The following ACVR2B variants were observed in gnomAD, a reference collection of about 807,000 sequenced individuals.
The protein encoded by ACVR2B is activin A receptor type 2B.
ACVR2B carries 18 observed loss-of-function variants against 65.1 expected under a neutral mutation model. That is an observed-to-expected ratio of 0.28 (90% CI 0.19 to 0.41). The LOEUF is 0.41. Among genes scored for constraint, ACVR2B ranks in the 10% least tolerant of loss-of-function variants. ACVR2B has a pLI of 1.00. For missense variants in ACVR2B, 482 were observed against 682.7 expected, an observed-to-expected ratio of 0.71 and a Z score of 3.28; for synonymous variants, 298 against 277.7, an observed-to-expected ratio of 1.07 and a Z score of -0.73.
Position 38,454,348 on chromosome 3 carries a change from CCCT to C in ACVR2B, c.31_33del (p.Leu11del), listed in dbSNP as rs1709503557. 2 of 1,298,620 alleles carry C rather than the reference CCCT, an allele frequency of 1.5e-6. No individual in the cohort carries two copies. The highest frequency in any genetic ancestry group is 1.5e-5 in the African/African-American group (1 of 65,024). The allele number at this position is 1,298,620 out of a possible 1,614,324, so 80.4% of individuals were successfully genotyped here. On this transcript the variant is annotated inframe_deletion, in exon 1 of 11. Coordinates refer to ENST00000352511, the MANE Select transcript of ACVR2B (RefSeq NM_001106.4). ...ATGACGGCGCCCTGGGTGGCCCTCG[CCCT>C]CCTCTGGGGATCGCTGTGCGCCGGT... is the stretch of plus-strand genomic sequence containing the variant.
Position 38,458,810 on chromosome 3 carries a change from G to A in ACVR2B, c.52+4436G>A, listed in dbSNP as rs1418919313. Among the ~76,000 whole-genome samples, 5 of 152,274 alleles carry A rather than the reference G, an allele frequency of 3.3e-5. No homozygotes were observed. In the East Asian group the frequency reaches 9.6e-4, roughly 29 times the overall value. ...AGACTCTAGATAGTCCTGAGGCAGG[G>A]TCCTGGTTGCATGGGCCTCACTGTA... On this transcript the variant is annotated intron_variant, in intron 1 of 10. Transcript: ENST00000352511.
At chr3:38,465,961 A>C (rs1301162377) in intron 1 of ACVR2B, among the ~76,000 whole-genome samples, 2 of 152,278 alleles carry the variant, frequency 1.3e-5, no homozygotes, top group African/African-American at 4.8e-5. Context: ...CTGACAGCTA[A>C]CTTCTCAATA....
At chr3:38,461,942 C>T (rs1005166588) in intron 1 of ACVR2B, among the ~76,000 whole-genome samples, 1 of 152,140 alleles carries the variant, frequency 6.6e-6, no homozygotes, top group Non-Finnish European at 1.5e-5. Flanking sequence ...CCTGTAATCC[C>T]AGCACTTTGG....
Position 38,483,878 on chromosome 3 carries a change from A to G in ACVR2B, c.*546A>G, listed in dbSNP as rs1001452484. ...TTTATTTTGTTTTAGTGAGCTTAAG[A>G]AACAGCAGATGTGTCTTTCACGGAT... On this transcript the variant is annotated 3_prime_UTR_variant, in exon 11 of 11. Coordinates refer to ENST00000352511, the MANE Select transcript of ACVR2B (RefSeq NM_001106.4). The surrounding 1 kb of genome is among the most constrained non-coding windows in gnomAD (Gnocchi z 4.8). 1.3e-5 allele frequency: 2 copies of G among 153,248 alleles called. No individual in the cohort carries two copies. The highest frequency in any genetic ancestry group is 4.8e-5 in the African/African-American group (2 of 41,424). The allele number at this position is 153,248 out of a possible 1,614,324, so 9.5% of individuals were successfully genotyped here. A position where few individuals can be genotyped will look rare whatever the true frequency, so the allele number is the denominator to read the frequency against.
At chr3:38,476,599 C>G (rs1414914897) in intron 1 of ACVR2B, 1 of 155,546 alleles carries the variant, frequency 6.4e-6, no homozygotes, top group South Asian at 2.0e-4. Flanking sequence ...TGTGGAGGAC[C>G]CACTGGCATG....
rs747166046 is a variant in ACVR2B, at chr3:38,492,006, C to CT, written c.*8675dup. 6.6e-6 allele frequency: 1 copy of CT among 152,206 alleles called. No homozygotes were observed. Among genetic ancestry groups the CT allele is most frequent in the Non-Finnish European group, 1.5e-5 (1 of 68,038 alleles). The allele number at this position is 152,206 out of a possible 1,614,324, so 9.4% of individuals were successfully genotyped here. On this transcript the variant is annotated 3_prime_UTR_variant, in exon 11 of 11. Transcript: ENST00000352511. ...TATTTTTCCACATTTGTCCTTGAATCTGAATAACTTTATACAGTACTGTAA... is the reference window on the plus strand; with the variant it reads ...TATTTTTCCACATTTGTCCTTGAATCTTGAATAACTTTATACAGTACTGTAA...
intron 8 of ACVR2B, 151 bp from the exon 9 acceptor site, chr3:38,482,047 T>A: frequency 1.1e-6 from 1 of 913,530 alleles, no homozygotes; most frequent in South Asian, 1.4e-5. Context: ...CTGTTGTGAA[T>A]GTGGTGAATC....
At chr3:38,457,202 C>A (rs1575576576) in intron 1 of ACVR2B, among the ~76,000 whole-genome samples, 1 of 150,922 alleles carries the variant, frequency 6.6e-6, no homozygotes. Flanking sequence ...GGCTCCGTCT[C>A]AAAAAAAAAG....
chr3:38,484,170 C>G lies in ACVR2B; in HGVS notation c.*838C>G, dbSNP rs2125727492. On this transcript the variant is annotated 3_prime_UTR_variant, in exon 11 of 11. Coordinates refer to ENST00000352511, the MANE Select transcript of ACVR2B (RefSeq NM_001106.4). ...GGTGCAGCCCTGACTTACCTGCTGG[C>G]CCTGACCAGTTTCTTTTCACTAACT... is the stretch of plus-strand genomic sequence containing the variant. The G allele has an allele frequency of 1.3e-5, 2 of 152,710 alleles. No individual in the cohort carries two copies. The highest frequency in any genetic ancestry group is 4.8e-5 in the African/African-American group (2 of 41,564). 9.5% of individuals were successfully genotyped at this position (152,710 alleles called of 1,614,324 possible).
chr3:38,475,763 G>C (rs1709896217), intron 1 of ACVR2B: 1 of 152,558 alleles, frequency 6.6e-6, no homozygotes, highest in Admixed American at 6.5e-5. Context: ...CCCTCCCCCA[G>C]GGTCAGGGCA....
intron 6 of ACVR2B, 54 bp from the exon 7 acceptor site, chr3:38,479,624 G>C: frequency 6.2e-7 from 1 of 1,605,060 alleles, no homozygotes. Flanking sequence ...GGCTGGGCTG[G>C]GTCCTGTCCT....
intron 7 of ACVR2B, among the ~76,000 whole-genome samples, chr3:38,480,694 G>A (rs191278008): frequency 4.6e-5 from 7 of 152,306 alleles, no homozygotes; most frequent in African/African-American, 1.7e-4. Flanking sequence ...TAGGTCAAAA[G>A]GTTGAATGTT....
intron 1 of ACVR2B, among the ~76,000 whole-genome samples, chr3:38,461,847 G>T (rs1163613175): frequency 6.6e-6 from 1 of 152,132 alleles, no homozygotes; most frequent in Non-Finnish European, 1.5e-5. Flanking sequence ...AGATTGAGAT[G>T]TATTCTTCCA....
At chr3:38,454,690 G>C in intron 1 of ACVR2B, 1 of 252,770 alleles carries the variant, frequency 4.0e-6, no homozygotes. Flanking sequence ...AAAGAGTGAG[G>C]AAAACCTGAG....
rs750062087 is a variant in ACVR2B at position 38,482,435 on chromosome 3, G to T, written c.1219G>T (p.Val407Leu). Reference sequence around the variant, plus strand: ...AGGCTCTCTCTTTCTCCTAGGACCCGTGGATGAGTACATGCTGCCCTTTGA... The same window carrying T: ...AGGCTCTCTCTTTCTCCTAGGACCCTTGGATGAGTACATGCTGCCCTTTGA... ...VSRCKAADGP[V>L]DEYMLPFEEE... The change falls in exon 10 of 11, where the codon GTG (valine) becomes TTG (leucine). Residue 407 changes from valine to leucine, a missense_variant. Val to Leu is a conservative substitution (Grantham distance 32). Transcript: ENST00000352511. The T allele has an allele frequency of 5.8e-5, 94 of 1,612,274 alleles. No homozygotes were observed. The Middle Eastern group carries it at 1.3e-3, about 23-fold the overall frequency.
At position 38,491,906 on chromosome 3, in the gene ACVR2B, A is replaced by G. The variant is rs1385143272; in HGVS notation, c.*8574A>G. 2.0e-5 allele frequency: 3 copies of G among 152,228 alleles called. No individual in the cohort carries two copies. Among genetic ancestry groups the G allele is most frequent in the Admixed American group, 6.5e-5 (1 of 15,288 alleles). The allele number at this position is 152,228 out of a possible 1,614,324, so 9.4% of individuals were successfully genotyped here. A position where few individuals can be genotyped will look rare whatever the true frequency, so the allele number is the denominator to read the frequency against. ...AAATCCACAACAATGCCATTTTTCAACTGTACAAAAATCTGCTTATGAACT... is the reference window on the plus strand; with the variant it reads ...AAATCCACAACAATGCCATTTTTCAGCTGTACAAAAATCTGCTTATGAACT... On this transcript the variant is annotated 3_prime_UTR_variant, in exon 11 of 11. Coordinates refer to ENST00000352511, the MANE Select transcript of ACVR2B (RefSeq NM_001106.4).
intron 7 of ACVR2B, among the ~76,000 whole-genome samples, chr3:38,480,333 T>G (rs1336764735): frequency 6.6e-6 from 1 of 152,186 alleles, no homozygotes; most frequent in Non-Finnish European, 1.5e-5. Flanking sequence ...GTCTTAGAGA[T>G]CTTCTGGGGT....
At chr3:38,476,702 C>T (rs1018264879) in intron 1 of ACVR2B, 1 of 161,190 alleles carries the variant, frequency 6.2e-6, no homozygotes, top group African/African-American at 2.4e-5. Context: ...CCAGGTGGTC[C>T]TTGAGATCTT....
At chr3:38,465,292 G>T (rs1289040060) in intron 1 of ACVR2B, among the ~76,000 whole-genome samples, 1 of 151,690 alleles carries the variant, frequency 6.6e-6, no homozygotes, top group Non-Finnish European at 1.5e-5. Context: ...CCAGCTACTT[G>T]GGGGGCTGAG....
Sources: allele counts gnomAD v4.1 joint callset (sites outside exome capture counted in the v4.1 genomes callset), GRCh38; gene constraint gnomAD v4.1.1; non-coding constraint Gnocchi (gnomAD v3.1); transcripts MANE v1.5; gene names NCBI Gene and HGNC (gene_info 2026-07-23, HGNC 2026-07-21).